Variants in WRN observed in about 807,000 individuals in gnomAD.
WRN encodes the protein WRN RecQ like helicase, also known as bifunctional 3'-5' exonuclease/ATP-dependent helicase WRN.
A neutral mutation model predicts 180.7 loss-of-function variants in WRN; 149 were observed. The observed-to-expected ratio is 0.82, with a 90% confidence interval of 0.72 to 0.94. The LOEUF (loss-of-function observed/expected upper bound fraction) is 0.94. Among genes scored for constraint, WRN ranks in the 40% least tolerant of loss-of-function variants. WRN has a pLI of 0.00. For missense variants in WRN, 1,661 were observed against 1,700.1 expected (o/e 0.98, Z 0.40); for synonymous variants, 548 against 568.9 (o/e 0.96, Z 0.52).
intron 1 of WRN, among the ~76,000 whole-genome samples, chr8:31,051,746 T>G (rs962818693): frequency 5.3e-5 from 8 of 152,212 alleles, no homozygotes; most frequent in African/African-American, 1.9e-4. Flanking sequence ...AGAATGCGAT[T>G]ATGGAGATTA....
chr8:31,074,450 A>G (rs920757194), intron 7 of WRN, among the ~76,000 whole-genome samples: 4 of 152,192 alleles, frequency 2.6e-5, no homozygotes, highest in African/African-American at 9.6e-5. Context: ...TCTTAGTGAA[A>G]TAAGAGGTGA....
chr8:31,038,291 T>C, intron 1 of WRN, among the ~76,000 whole-genome samples: 1 of 152,204 alleles, frequency 6.6e-6, no homozygotes, highest in Non-Finnish European at 1.5e-5. Flanking sequence ...AGTGGTATCT[T>C]ACTGTGGTTT....
intron 8 of WRN, among the ~76,000 whole-genome samples, chr8:31,080,326 A>G (rs1202664982): frequency 6.6e-6 from 1 of 152,160 alleles, no homozygotes; most frequent in Non-Finnish European, 1.5e-5. Context: ...TGTACCATCT[A>G]CAATTTCCAA....
chr8:31,121,083 A>AT (rs1801708314), intron 21 of WRN, among the ~76,000 whole-genome samples: 1 of 151,934 alleles, frequency 6.6e-6, no homozygotes, highest in African/African-American at 2.4e-5. Context: ...GTTCTATGAG[A>AT]TTTTTTGTTG....
rs1813592407 is a variant in WRN, at chr8:31,087,826, C to T, written c.1482C>T (p.Cys494=). The T allele has an allele frequency of 1.2e-6, 2 of 1,613,386 alleles. No homozygotes were observed. Among genetic ancestry groups the T allele is most frequent in the Admixed American group, 3.3e-5 (2 of 59,966 alleles). Residue 494 remains cysteine (C), a synonymous_variant, in exon 12 of 35, where the codon TGC becomes TGT. Coordinates refer to ENST00000298139, the MANE Select transcript of WRN (RefSeq NM_000553.6). The stretch of plus-strand genomic sequence containing the variant: ...CGGTAGAACCAACTCATTCTAAATG[C>T]TTAAAAATGGAAAGAAATCTGGGTC... ...SGTVEPTHSK[C]LKMERNLGLP...
rs2130157212 is a variant in WRN, at chr8:31,087,893, A to G, written c.1549A>G (p.Asn517Asp). The G allele has an allele frequency of 1.2e-6, 2 of 1,613,516 alleles. No individual in the cohort carries two copies. The highest frequency in any genetic ancestry group is 1.7e-6 in the Non-Finnish European group (2 of 1,179,686). The change falls in exon 12 of 35, where the codon AAT (asparagine) becomes GAT (aspartate). Residue 517 changes from asparagine (N) to aspartate (D), a missense_variant. Physicochemically the swap from Asn to Asp is conservative, Grantham distance 23. Around this residue, in one of 3 missense-constraint regions of WRN, gnomAD observed 1,141 missense variants for 1,149.4 expected, o/e 0.99. Coordinates refer to ENST00000298139, the MANE Select transcript of WRN (RefSeq NM_000553.6). ...AGAAGAAGATGATGAAAATGAAGCT[A>G]ATGAAGGGGAAGAAGATGATGATAA... Reference protein sequence around the residue: ...EEEEDDENEANEGEEDDDKDF... With the variant: ...EEEEDDENEADEGEEDDDKDF...
At chr8:31,064,802 T>C in intron 4 of WRN, 113 bp from the exon 5 acceptor site, 1 of 1,276,326 alleles carries the variant, frequency 7.8e-7, no homozygotes, top group South Asian at 1.3e-5. Context: ...TGTTTCTGAA[T>C]TTAAAATTAC....
chr8:31,147,577 A>C, intron 30 of WRN, 101 bp downstream of exon 30: 17 of 1,095,214 alleles, frequency 1.6e-5, no homozygotes, highest in Non-Finnish European at 2.3e-5. Context: ...CCACTGTCAC[A>C]TCTGGGAGGT....
intron 9 of WRN, among the ~76,000 whole-genome samples, chr8:31,081,771 C>G (rs1282778368): frequency 6.6e-6 from 1 of 150,808 alleles, no homozygotes; most frequent in African/African-American, 2.4e-5. Flanking sequence ...TTTTTTCTTT[C>G]TTTTTTTGAG....
At chr8:31,054,134 T>C (rs750294265) in intron 1 of WRN, among the ~76,000 whole-genome samples, 1 of 152,142 alleles carries the variant, frequency 6.6e-6, no homozygotes, top group Non-Finnish European at 1.5e-5. Context: ...AAAATATTGT[T>C]AAAAAGTCTT....
intron 20 of WRN, among the ~76,000 whole-genome samples, chr8:31,119,400 C>T (rs1036884713): frequency 6.6e-5 from 10 of 151,894 alleles, no homozygotes; most frequent in Non-Finnish European, 1.3e-4. Flanking sequence ...CTGGCTCCTA[C>T]TTAATTTTTT....
In WRN at chr8:31,081,036, G is replaced by A. The variant is rs1813286614; in HGVS notation, c.1009G>A (p.Glu337Lys). Residue 337 changes from glutamate (E) to lysine (K), a missense_variant, in exon 9 of 35, where the codon GAA (glutamate) becomes AAA (lysine). By Grantham distance (56) the Glu-to-Lys change is moderately conservative. Around this residue, in one of 3 missense-constraint regions of WRN, gnomAD observed 500 missense variants for 504.1 expected, o/e 0.99. Transcript: ENST00000298139. ...ACAACAGAAACAAATTAGAGAACAT[G>A]AAGTTTTAATTCACGTTGAAGATGA... is the stretch of plus-strand genomic sequence containing the variant. The part of the protein sequence containing the change: ...GVQQKQIREH[E>K]VLIHVEDETW... 6.2e-7 allele frequency: 1 copy of A among 1,614,016 alleles called. No homozygotes were observed. The highest frequency in any genetic ancestry group is 8.5e-7 in the Non-Finnish European group (1 of 1,179,956).
intron 32 of WRN, among the ~76,000 whole-genome samples, chr8:31,155,632 A>AAAC (rs1213093745): frequency 1.3e-5 from 2 of 151,964 alleles, no homozygotes; most frequent in Admixed American, 6.6e-5. Flanking sequence ...CAAAAAAAAA[A>AAAC]AAAAAAAAGA....
chr8:31,106,444 A>AT (rs1322443960), intron 18 of WRN, among the ~76,000 whole-genome samples: 1 of 151,914 alleles, frequency 6.6e-6, no homozygotes. Context: ...CTGGCCTTCC[A>AT]TTTTCCCTCT....
At chr8:31,149,448 T>G (rs1803009852) in intron 30 of WRN, among the ~76,000 whole-genome samples, 1 of 132,854 alleles carries the variant, frequency 7.5e-6, no homozygotes, top group African/African-American at 2.8e-5. Flanking sequence ...CATACTTTAA[T>G]AGAGGTGTTT....
intron 1 of WRN, among the ~76,000 whole-genome samples, chr8:31,051,663 A>G (rs965431766): frequency 5.9e-5 from 9 of 152,234 alleles, no homozygotes; most frequent in Admixed American, 4.6e-4. Flanking sequence ...TCGTTTAGCT[A>G]TCATGAGGAC....
chr8:31,095,198 G>C (rs1048824443), intron 16 of WRN, among the ~76,000 whole-genome samples: 1 of 152,066 alleles, frequency 6.6e-6, no homozygotes, highest in Non-Finnish European at 1.5e-5. Flanking sequence ...ATTATATTGA[G>C]CATTTTTCAT....
At chr8:31,131,751 A>G (rs1455639924) in intron 23 of WRN, 3 of 153,030 alleles carry the variant, frequency 2.0e-5, no homozygotes, top group African/African-American at 7.2e-5. Context: ...ACAGTTTAAG[A>G]TGAACCTTCA....
At chr8:31,151,807 G>C (rs1803138798) in intron 31 of WRN, among the ~76,000 whole-genome samples, 1 of 151,738 alleles carries the variant, frequency 6.6e-6, no homozygotes, top group Non-Finnish European at 1.5e-5. Flanking sequence ...ATTATACTTG[G>C]GTTATTCTGC....
Sources: allele counts gnomAD v4.1 joint callset (sites outside exome capture counted in the v4.1 genomes callset), GRCh38; gene constraint gnomAD v4.1.1; regional missense constraint gnomAD v4.1.1; transcripts MANE v1.5; gene names NCBI Gene and HGNC (gene_info 2026-07-23, HGNC 2026-07-21).